Variants in SDK2 observed in about 807,000 individuals in gnomAD.
SDK2 encodes the protein sidekick cell adhesion molecule 2, also known as protein sidekick-2.
In SDK2, 105 loss-of-function variants were observed where a neutral mutation model predicts 253.9. The ratio of observed to expected loss-of-function variants is 0.41; its 90% confidence interval spans 0.35 to 0.49. SDK2 has a LOEUF of 0.49. Among genes scored for constraint, SDK2 ranks in the 20% least tolerant of loss-of-function variants. SDK2 has a pLI of 0.06. For missense variants in SDK2, 2,608 were observed against 3,003.0 expected (o/e 0.87, Z 3.07); for synonymous variants, 1,249 against 1,234.9 (o/e 1.01, Z -0.24).
At chr17:73,366,299 G>A (rs2062684919) in intron 37 of SDK2, among the ~76,000 whole-genome samples, 1 of 152,184 alleles carries the variant, frequency 6.6e-6, no homozygotes, top group Non-Finnish European at 1.5e-5. Flanking sequence ...GGTTCCCTGG[G>A]GTTCGCATCT....
At chr17:73,600,087 C>A (rs930408032) in intron 1 of SDK2, among the ~76,000 whole-genome samples, 1 of 152,248 alleles carries the variant, frequency 6.6e-6, no homozygotes, top group Non-Finnish European at 1.5e-5. Context: ...AGATCCCTGA[C>A]TTTCCTGGGG....
intron 1 of SDK2, among the ~76,000 whole-genome samples, chr17:73,562,478 G>C (rs1431810603): frequency 6.6e-6 from 1 of 152,148 alleles, no homozygotes; most frequent in Non-Finnish European, 1.5e-5. Context: ...AGTTAGGCCA[G>C]GTGAAAACAC....
In SDK2 at chr17:73,547,909, G is replaced by A. The variant is rs973973156; in HGVS notation, c.65-40312C>T. On this transcript the variant is annotated intron_variant, in intron 1 of 44. Transcript: ENST00000392650. Reference sequence around the variant, plus strand: ...CAGGCTTACTAGGAAGCATGGCTGCGAGGCCTCAGGAAACTTACAATCATG... The same window carrying A: ...CAGGCTTACTAGGAAGCATGGCTGCAAGGCCTCAGGAAACTTACAATCATG... Among the ~76,000 whole-genome samples the A allele has an allele frequency of 3.9e-5, 6 of 152,192 alleles. No homozygotes were observed. In the East Asian group the frequency reaches 7.7e-4, roughly 20 times the overall value.
At chr17:73,369,141 G>T (rs370380723) in intron 36 of SDK2, 1 of 470,842 alleles carries the variant, frequency 2.1e-6, no homozygotes, top group South Asian at 1.5e-5. Context: ...TGTGTTTCCC[G>T]CCATGCCTGG....
chr17:73,383,733 T>G lies in SDK2; in HGVS notation c.4705+143A>C. 1 of 916,370 alleles carries G rather than the reference T, an allele frequency of 1.1e-6. No individual in the cohort carries two copies. Among genetic ancestry groups the G allele is most frequent in the South Asian group, 1.7e-5 (1 of 59,880 alleles). The allele number at this position is 916,370 out of a possible 1,614,324, so 56.8% of individuals were successfully genotyped here. ...ATATTCAGTAAATGAATGAATGGGATGGGAGGAGGGAGAGGCACACATGGA... is the reference window on the plus strand; with the variant it reads ...ATATTCAGTAAATGAATGAATGGGAGGGGAGGAGGGAGAGGCACACATGGA... On this transcript the variant is annotated intron_variant, in intron 33 of 44. Coordinates refer to ENST00000392650, the MANE Select transcript of SDK2 (RefSeq NM_001144952.2). This position sits in a 1 kb window ranked among gnomAD's most constrained non-coding sequence, Gnocchi z 4.3.
chr17:73,447,321 C>G lies in SDK2; in HGVS notation c.613+294G>C, dbSNP rs575356543. 4.6e-5 allele frequency among the ~76,000 whole-genome samples: 7 copies of G among 152,304 alleles called. No homozygotes were observed. In the East Asian group the frequency reaches 7.7e-4, roughly 17 times the overall value. On this transcript the variant is annotated intron_variant, in intron 5 of 44. Coordinates refer to ENST00000392650, the MANE Select transcript of SDK2 (RefSeq NM_001144952.2). This position sits in a 1 kb window ranked among gnomAD's most constrained non-coding sequence, Gnocchi z 4.0. ...ATGCACACGCTCTTCCTCTGCCCCA[C>G]CCCTCCCTGGGTCCCTGGTAGCCCT... is the stretch of plus-strand genomic sequence containing the variant.
At chr17:73,549,676 G>A (rs1489411154) in intron 1 of SDK2, among the ~76,000 whole-genome samples, 1 of 151,988 alleles carries the variant, frequency 6.6e-6, no homozygotes, top group African/African-American at 2.4e-5. Context: ...TTTAGGCGAG[G>A]TGAACACACA....
chr17:73,504,212 G>GTA (rs1247894383), intron 2 of SDK2: 9 of 85,276 alleles, frequency 1.1e-4, no homozygotes, highest in African/African-American at 2.6e-4. Flanking sequence ...GTGTGTGTGT[G>GTA]TGTGAGAGAG....
In SDK2 at chr17:73,522,092, G is replaced by A. The variant is rs540438739; in HGVS notation, c.65-14495C>T. On this transcript the variant is annotated intron_variant, in intron 1 of 44. Transcript: ENST00000392650. ...TTACATAATGGAAGTGGAATGGAAGGTGTTGCAGGTCCACATTAAAGGTTT... is the reference window on the plus strand; with the variant it reads ...TTACATAATGGAAGTGGAATGGAAGATGTTGCAGGTCCACATTAAAGGTTT... Among the ~76,000 whole-genome samples, 21 of 152,366 alleles carry A rather than the reference G, an allele frequency of 1.4e-4. 1 individual carries two copies. Among genetic ancestry groups the A allele is most frequent in the Non-Finnish European group, 2.4e-4 (16 of 68,038 alleles).
intron 3 of SDK2, among the ~76,000 whole-genome samples, chr17:73,463,718 T>A (rs1228834762): frequency 6.6e-6 from 1 of 152,204 alleles, no homozygotes; most frequent in Non-Finnish European, 1.5e-5. Context: ...TTGTGCAACA[T>A]TTTTTTGGGG....
chr17:73,379,078 G>A lies in SDK2; in HGVS notation c.4980+99C>T, dbSNP rs2062808585. ...GAGGAGCTGGCTGGATGAATGGAGG[G>A]CCTGGGGACCTGCCTGCCTCCCACA... On this transcript the variant is annotated intron_variant, in intron 36 of 44. Coordinates refer to ENST00000392650, the MANE Select transcript of SDK2 (RefSeq NM_001144952.2). This position sits in a 1 kb window ranked among gnomAD's most constrained non-coding sequence, Gnocchi z 4.5. 2.4e-6 allele frequency: 2 copies of A among 840,644 alleles called. No individual in the cohort carries two copies. Among genetic ancestry groups the A allele is most frequent in the Admixed American group, 2.2e-5 (1 of 45,482 alleles). 52.1% of individuals were successfully genotyped at this position (840,644 alleles called of 1,614,324 possible).
At chr17:73,606,480 A>C (rs2143093787) in intron 1 of SDK2, among the ~76,000 whole-genome samples, 1 of 152,246 alleles carries the variant, frequency 6.6e-6, no homozygotes, top group African/African-American at 2.4e-5. Context: ...ACCTCCTCAG[A>C]GCCTGGTATG....
At chr17:73,421,461 G>A (rs1365618729) in intron 15 of SDK2, among the ~76,000 whole-genome samples, 1 of 152,110 alleles carries the variant, frequency 6.6e-6, no homozygotes, top group East Asian at 1.9e-4. Context: ...CTTGCTAGAG[G>A]TGGCTGCTTG....
At chr17:73,457,175 T>C (rs2063531454) in intron 3 of SDK2, among the ~76,000 whole-genome samples, 1 of 152,114 alleles carries the variant, frequency 6.6e-6, no homozygotes. Flanking sequence ...TTCACTGGCG[T>C]GGAGTGTGGG....
Position 73,447,633 on chromosome 17 carries a change from T to C in SDK2, c.595A>G (p.Ile199Val). The change falls in exon 5 of 45, where the codon ATC becomes GTC. Residue 199 changes from isoleucine (I) to valine (V), a missense_variant. This residue lies in a region of SDK2 where 1,505 missense variants were observed against 1,859.1 expected (regional missense o/e 0.81). Transcript: ENST00000392650. This position sits in a 1 kb window ranked among gnomAD's most constrained non-coding sequence, Gnocchi z 4.0. ...TACTTACTCTCCACGGTGAGCGTGA[T>C]GGGCTGGCTGGTCTTGTTATCCCCG... is the stretch of plus-strand genomic sequence containing the variant. ...KNGDNKTSQP[I>V]TLTVENVGGP... 1 of 1,551,896 alleles carries C rather than the reference T, an allele frequency of 6.4e-7. No individual in the cohort carries two copies. Among genetic ancestry groups the C allele is most frequent in the Non-Finnish European group, 8.7e-7 (1 of 1,147,026 alleles).
rs774959685 is a variant in SDK2 at position 73,401,914 on chromosome 17, G to T, written c.2680+32C>A. The T allele has an allele frequency of 4.6e-6, 7 of 1,513,202 alleles. No individual in the cohort carries two copies. In the East Asian group the frequency reaches 9.4e-5, roughly 20 times the overall value. The allele number at this position is 1,513,202 out of a possible 1,614,324, so 93.7% of individuals were successfully genotyped here. A position where few individuals can be genotyped will look rare whatever the true frequency, so the allele number is the denominator to read the frequency against. ...GCCCAGCCTGGCCTTGGGCGGGGGG[G>T]GGCAGAAAGAGCAGGGCTGGGGGGT... On this transcript the variant is annotated intron_variant, in intron 19 of 44. Coordinates refer to ENST00000392650, the MANE Select transcript of SDK2 (RefSeq NM_001144952.2).
chr17:73,524,056 C>CA (rs2064105743), intron 1 of SDK2, among the ~76,000 whole-genome samples: 1 of 152,194 alleles, frequency 6.6e-6, no homozygotes, highest in African/African-American at 2.4e-5. Flanking sequence ...CCCTTACCTG[C>CA]CCCTGCATCC....
At chr17:73,503,449 C>T (rs1017987526) in intron 2 of SDK2, among the ~76,000 whole-genome samples, 5 of 152,072 alleles carry the variant, frequency 3.3e-5, no homozygotes, top group African/African-American at 7.2e-5. Context: ...CAGCAGAAAA[C>T]GTGCATGTTT....
Position 73,455,869 on chromosome 17 carries a change from C to G in SDK2, c.479+37G>C. On this transcript the variant is annotated intron_variant, in intron 4 of 44. Transcript: ENST00000392650. The surrounding 1 kb of genome is among the most constrained non-coding windows in gnomAD (Gnocchi z 5.0). ...GCCCCAAACCTCCTCCCCCAGACACCCCTCCCCTCCCCGTCCCCTCAGAGC... is the reference window on the plus strand; with the variant it reads ...GCCCCAAACCTCCTCCCCCAGACACGCCTCCCCTCCCCGTCCCCTCAGAGC... The G allele has an allele frequency of 1.3e-6, 2 of 1,512,462 alleles. No homozygotes were observed. The highest frequency in any genetic ancestry group is 1.8e-6 in the Non-Finnish European group (2 of 1,130,692). 93.7% of individuals were successfully genotyped at this position (1,512,462 alleles called of 1,614,324 possible). A position where few individuals can be genotyped will look rare whatever the true frequency, so the allele number is the denominator to read the frequency against.
Sources: gnomAD v4.1 joint callset for allele counts (sites outside exome capture counted in the v4.1 genomes callset) on GRCh38, gnomAD v4.1.1 for gene constraint, gnomAD v4.1.1 regional missense constraint, Gnocchi (gnomAD v3.1) non-coding constraint, MANE v1.5 for transcripts, NCBI Gene and HGNC (gene_info 2026-07-23, HGNC 2026-07-21) for gene names.